Variants in STXBP5L observed in about 807,000 individuals in gnomAD.
STXBP5L encodes the protein syntaxin binding protein 5L.
Under a neutral mutation model 144.5 loss-of-function variants are expected in STXBP5L, and 65 were observed. That is an observed-to-expected ratio of 0.45 (90% CI 0.37 to 0.55). STXBP5L has a LOEUF of 0.55. Among genes scored for constraint, STXBP5L ranks in the 20% least tolerant of loss-of-function variants. STXBP5L has a pLI of 0.00. For synonymous variants in STXBP5L, 505 were observed against 469.6 expected (o/e 1.08, Z -0.97); for missense variants, 1,298 against 1,405.5 (o/e 0.92, Z 1.22).
intron 18 of STXBP5L, among the ~76,000 whole-genome samples, chr3:121,266,633 C>A (rs1489937898): frequency 6.6e-6 from 1 of 152,112 alleles, no homozygotes; most frequent in Non-Finnish European, 1.5e-5. Flanking sequence ...CCAGGGCAAT[C>A]AGGCAAGAGA....
At chr3:121,040,006 A>G (rs1023552792) in intron 3 of STXBP5L, among the ~76,000 whole-genome samples, 39 of 152,160 alleles carry the variant, frequency 2.6e-4, no homozygotes, top group African/African-American at 8.7e-4. Context: ...TCTACTTAAC[A>G]TGCTCAATCT....
chr3:121,184,589 T>C (rs889325940), intron 9 of STXBP5L, among the ~76,000 whole-genome samples: 4 of 152,060 alleles, frequency 2.6e-5, no homozygotes, highest in African/African-American at 9.7e-5. Context: ...CTACATTTGA[T>C]TGGTGTACCT....
At chr3:121,208,198 C>T (rs908070325) in intron 10 of STXBP5L, among the ~76,000 whole-genome samples, 1 of 152,048 alleles carries the variant, frequency 6.6e-6, no homozygotes, top group African/African-American at 2.4e-5. Flanking sequence ...ATGGATGAAG[C>T]TGGAAACCAT....
At chr3:121,393,437 A>G (rs897231849) in intron 22 of STXBP5L, among the ~76,000 whole-genome samples, 10 of 151,998 alleles carry the variant, frequency 6.6e-5, no homozygotes, top group Non-Finnish European at 1.3e-4. Flanking sequence ...AGTTTAATTA[A>G]GTCCTATTTG....
chr3:121,111,080 C>T (rs879504840), intron 5 of STXBP5L, among the ~76,000 whole-genome samples: 3 of 152,156 alleles, frequency 2.0e-5, no homozygotes, highest in Non-Finnish European at 4.4e-5. Flanking sequence ...TGTTTTTCAG[C>T]TCCATCAGGT....
intron 20 of STXBP5L, among the ~76,000 whole-genome samples, chr3:121,331,904 GCT>G (rs2044331971): frequency 6.6e-6 from 1 of 152,098 alleles, no homozygotes; most frequent in South Asian, 2.1e-4. Flanking sequence ...CAGTGAACCT[GCT>G]CACACACCAA....
intron 5 of STXBP5L, among the ~76,000 whole-genome samples, chr3:121,092,707 T>C (rs901820782): frequency 6.6e-6 from 1 of 152,204 alleles, no homozygotes; most frequent in Non-Finnish European, 1.5e-5. Flanking sequence ...CACAATCATG[T>C]CATCTGCAAA....
At chr3:121,139,997 T>C (rs537174113) in intron 7 of STXBP5L, among the ~76,000 whole-genome samples, 1 of 152,154 alleles carries the variant, frequency 6.6e-6, no homozygotes, top group Non-Finnish European at 1.5e-5. Flanking sequence ...AAAATAGACA[T>C]GTATATGCAC....
chr3:121,324,421 T>C, intron 20 of STXBP5L: 1 of 605,538 alleles, frequency 1.7e-6, no homozygotes, highest in Non-Finnish European at 2.9e-6. Flanking sequence ...TCAGCTTTAT[T>C]AAAGATAAAA....
intron 9 of STXBP5L, among the ~76,000 whole-genome samples, chr3:121,205,261 T>G (rs1389503741): frequency 3.3e-5 from 5 of 152,260 alleles, no homozygotes; most frequent in African/African-American, 1.2e-4. Flanking sequence ...AGGCCAAGAT[T>G]GAGGGGCAAC....
At chr3:121,349,138 G>C (rs149259938) in intron 20 of STXBP5L, among the ~76,000 whole-genome samples, 1 of 151,926 alleles carries the variant, frequency 6.6e-6, no homozygotes, top group African/African-American at 2.4e-5. Flanking sequence ...AATGTGTCCC[G>C]GAGATTCTGG....
chr3:121,074,041 A>G (rs970141127), intron 5 of STXBP5L, among the ~76,000 whole-genome samples: 2 of 152,132 alleles, frequency 1.3e-5, no homozygotes, highest in Non-Finnish European at 2.9e-5. Flanking sequence ...CCAACAATAC[A>G]TCATCCATGT....
At chr3:121,062,670 A>C (rs540459699) in intron 5 of STXBP5L, among the ~76,000 whole-genome samples, 44 of 152,158 alleles carry the variant, frequency 2.9e-4, no homozygotes, top group Non-Finnish European at 3.1e-4. Context: ...AGGTCTTTTC[A>C]CATAGTCCCA....
At chr3:121,165,957 A>G (rs537922177) in intron 9 of STXBP5L, among the ~76,000 whole-genome samples, 96 of 64,702 alleles carry the variant, frequency 1.5e-3, no homozygotes, top group Non-Finnish European at 2.3e-3. Flanking sequence ...CTCTTTAAAT[A>G]TCGCCCCTGT....
chr3:121,023,391 C>T (rs573032515), intron 3 of STXBP5L, among the ~76,000 whole-genome samples: 139 of 152,212 alleles, frequency 9.1e-4, no homozygotes, highest in Non-Finnish European at 1.7e-3. Context: ...CTAGAAAATA[C>T]AATCATAAAA....
At chr3:121,045,940 T>G (rs1207011465) in intron 5 of STXBP5L, among the ~76,000 whole-genome samples, 1 of 152,120 alleles carries the variant, frequency 6.6e-6, no homozygotes, top group African/African-American at 2.4e-5. Flanking sequence ...CTTGTCTTGT[T>G]TTGGTTTTCA....
At chr3:120,972,084 A>C (rs992728403) in intron 3 of STXBP5L, among the ~76,000 whole-genome samples, 1 of 151,948 alleles carries the variant, frequency 6.6e-6, no homozygotes, top group Non-Finnish European at 1.5e-5. Context: ...TGAATTTTAC[A>C]ATTATTCTTA....
chr3:121,353,310 C>T (rs1375605829), intron 20 of STXBP5L, among the ~76,000 whole-genome samples: 2 of 152,096 alleles, frequency 1.3e-5, no homozygotes, highest in Non-Finnish European at 2.9e-5. Context: ...TCCGTCTGGT[C>T]CTGGACTTTT....
chr3:121,106,439 T>A (rs901771618), intron 5 of STXBP5L, among the ~76,000 whole-genome samples: 1 of 152,054 alleles, frequency 6.6e-6, no homozygotes. Context: ...CAGTGTGTGT[T>A]GTTCCCCATG....
Sources: gnomAD v4.1 joint callset for allele counts (sites outside exome capture counted in the v4.1 genomes callset) on GRCh38, gnomAD v4.1.1 for gene constraint, MANE v1.5 for transcripts, NCBI Gene and HGNC (gene_info 2026-07-23, HGNC 2026-07-21) for gene names.